The following SLC35F4 variants were observed in gnomAD, a reference collection of about 807,000 sequenced individuals.
The protein encoded by SLC35F4 is solute carrier family 35 member F4.
Under a neutral mutation model 44.2 loss-of-function variants are expected in SLC35F4, and 24 were observed. That is an observed-to-expected ratio of 0.54 (90% confidence interval 0.39 to 0.76). The LOEUF (loss-of-function observed/expected upper bound fraction) is 0.76. Among genes scored for constraint, SLC35F4 ranks in the 30% least tolerant of loss-of-function variants. The probability of loss-of-function intolerance (pLI) is 0.00; values close to 1 mark genes in which losing one functional copy is unlikely to be tolerated. For missense variants in SLC35F4, 562 were observed against 586.1 expected (o/e 0.96, Z 0.42); for synonymous variants, 238 against 223.6 (o/e 1.06, Z -0.57).
chr14:57,780,749 A>T (rs570548791), intron 1 of SLC35F4, among the ~76,000 whole-genome samples: 8 of 152,106 alleles, frequency 5.3e-5, no homozygotes, highest in Non-Finnish European at 7.4e-5. Flanking sequence ...CATATAAAAC[A>T]TAAGACACAT....
At chr14:57,640,583 G>GT (rs2073182657) in intron 1 of SLC35F4, among the ~76,000 whole-genome samples, 1 of 151,996 alleles carries the variant, frequency 6.6e-6, no homozygotes, top group Non-Finnish European at 1.5e-5. Context: ...AAAGGATATT[G>GT]TATTTGTTCC....
chr14:57,903,026 G>T (rs1268131665), intron 1 of SLC35F4, among the ~76,000 whole-genome samples: 2 of 152,010 alleles, frequency 1.3e-5, no homozygotes, highest in Non-Finnish European at 2.9e-5. Context: ...TGTTTATTAG[G>T]TTTTTTTATT....
chr14:57,778,251 C>T (rs1479213230), intron 1 of SLC35F4, among the ~76,000 whole-genome samples: 1 of 152,178 alleles, frequency 6.6e-6, no homozygotes, highest in Non-Finnish European at 1.5e-5. Context: ...CCAACTAAAC[C>T]TCTTTCTTTT....
At chr14:57,843,285 C>T (rs188800328) in intron 1 of SLC35F4, among the ~76,000 whole-genome samples, 12 of 152,262 alleles carry the variant, frequency 7.9e-5, no homozygotes, top group Admixed American at 5.9e-4. Context: ...TGTCCTTCCT[C>T]TAATTGCCCT....
intron 1 of SLC35F4, among the ~76,000 whole-genome samples, chr14:57,800,927 C>T (rs2078177581): frequency 6.6e-6 from 1 of 152,076 alleles, no homozygotes; most frequent in Admixed American, 6.5e-5. Context: ...AGAATGGAAC[C>T]AAGTTAGAAA....
intron 4 of SLC35F4, among the ~76,000 whole-genome samples, chr14:57,573,688 T>G (rs2068634350): frequency 6.6e-6 from 1 of 152,070 alleles, no homozygotes; most frequent in Non-Finnish European, 1.5e-5. Context: ...AACAGTTCTT[T>G]GGGGGATCTG....
intron 1 of SLC35F4, among the ~76,000 whole-genome samples, chr14:57,890,949 T>G (rs1052787467): frequency 6.6e-6 from 1 of 152,170 alleles, no homozygotes; most frequent in Non-Finnish European, 1.5e-5. Context: ...TTAGGCTAGA[T>G]GCAGGAGGAA....
intron 1 of SLC35F4, among the ~76,000 whole-genome samples, chr14:57,903,082 C>T (rs1800242616): frequency 6.6e-6 from 1 of 152,170 alleles, no homozygotes; most frequent in Admixed American, 6.5e-5. Flanking sequence ...AGGGCAGAGA[C>T]TTTGATTAGT....
At chr14:57,822,392 G>A (rs1883264111) in intron 1 of SLC35F4, among the ~76,000 whole-genome samples, 2 of 152,180 alleles carry the variant, frequency 1.3e-5, no homozygotes, top group African/African-American at 4.8e-5. Flanking sequence ...TCAGCATTGT[G>A]AACAGCAGTG....
intron 3 of SLC35F4, among the ~76,000 whole-genome samples, chr14:57,582,084 G>C (rs918331611): frequency 1.3e-5 from 2 of 152,090 alleles, no homozygotes; most frequent in Middle Eastern, 3.2e-3. Context: ...GTCTAAATTC[G>C]GTGTGAGAAA....
At chr14:57,974,664 C>G (rs1881159834), downstream of SLC35F4, among the ~76,000 whole-genome samples, 1 of 152,244 alleles carries the variant, frequency 6.6e-6, no homozygotes, top group East Asian at 1.9e-4. Flanking sequence ...CTGTGGGAGA[C>G]CTAGCCCCCA....
intron 6 of SLC35F4, among the ~76,000 whole-genome samples, chr14:57,568,600 T>C (rs965601123): frequency 6.6e-6 from 1 of 152,132 alleles, no homozygotes; most frequent in Admixed American, 6.5e-5. Flanking sequence ...TTCTCTTGAG[T>C]GTTTTCTGTC....
At chr14:57,769,580 A>C (rs904501761) in intron 1 of SLC35F4, among the ~76,000 whole-genome samples, 13 of 152,334 alleles carry the variant, frequency 8.5e-5, no homozygotes, top group African/African-American at 3.1e-4. Flanking sequence ...TTAGAAGATG[A>C]ATTCATAAAT....
At chr14:57,627,949 T>C (rs1179226926) in intron 1 of SLC35F4, among the ~76,000 whole-genome samples, 1 of 152,118 alleles carries the variant, frequency 6.6e-6, no homozygotes, top group African/African-American at 2.4e-5. Context: ...CTCAGCTCAG[T>C]TGGAATGTCC....
chr14:57,647,081 A>G (rs910733447), intron 1 of SLC35F4, among the ~76,000 whole-genome samples: 1 of 152,168 alleles, frequency 6.6e-6, no homozygotes, highest in Non-Finnish European at 1.5e-5. Flanking sequence ...TGTGGTGCTG[A>G]AAAGAATGCA....
At chr14:57,875,654 C>T (rs1888383867) in intron 1 of SLC35F4, among the ~76,000 whole-genome samples, 1 of 152,204 alleles carries the variant, frequency 6.6e-6, no homozygotes, top group Non-Finnish European at 1.5e-5. Flanking sequence ...TTATTCATGA[C>T]AGCAGCAAAA....
At chr14:57,914,039 A>G (rs146723760) in intron 1 of SLC35F4, among the ~76,000 whole-genome samples, 1 of 152,188 alleles carries the variant, frequency 6.6e-6, no homozygotes, top group Non-Finnish European at 1.5e-5. Flanking sequence ...GAGAAGTTGG[A>G]TGTAGTTATC....
intron 1 of SLC35F4, among the ~76,000 whole-genome samples, chr14:57,607,395 G>A (rs759287727): frequency 4.6e-5 from 7 of 152,126 alleles, no homozygotes; most frequent in Admixed American, 6.5e-5. Context: ...GAAACTATTC[G>A]CAAGTTTCTG....
intron 1 of SLC35F4, among the ~76,000 whole-genome samples, chr14:57,886,931 C>T (rs1888662030): frequency 6.6e-6 from 1 of 152,158 alleles, no homozygotes; most frequent in Non-Finnish European, 1.5e-5. Context: ...AAAAACATCC[C>T]ATGTGTTTAA....
Sources: allele counts gnomAD v4.1 joint callset (sites outside exome capture counted in the v4.1 genomes callset), GRCh38; gene constraint gnomAD v4.1.1; transcripts MANE v1.5; gene names NCBI Gene and HGNC (gene_info 2026-07-23, HGNC 2026-07-21).